GLI3: variants seen among roughly 807,000 people sequenced by gnomAD.
GLI3 encodes the protein transcription activator GLI3.
A neutral mutation model predicts 100.8 loss-of-function variants in GLI3; 20 were observed. That is an observed-to-expected ratio of 0.20 (90% confidence interval 0.14 to 0.29). The LOEUF (loss-of-function observed/expected upper bound fraction) is 0.29, where lower values mean the gene tolerates loss of function less well. Among genes scored for constraint, GLI3 ranks in the 10% least tolerant of loss-of-function variants. The pLI is 1.00. For synonymous variants in GLI3, 938 were observed against 860.5 expected, an observed-to-expected ratio of 1.09 and a Z score of -1.58; for missense variants, 2,040 against 2,128.5, an observed-to-expected ratio of 0.96 and a Z score of 0.82.
chr7:42,108,566 C>G (rs932953029), intron 3 of GLI3, among the ~76,000 whole-genome samples: 4 of 152,100 alleles, frequency 2.6e-5, no homozygotes, highest in African/African-American at 9.7e-5. Flanking sequence ...AGTAAACACC[C>G]AGCACAACTG....
At chr7:41,975,930 A>G (rs1787498112) in intron 12 of GLI3, among the ~76,000 whole-genome samples, 2 of 152,210 alleles carry the variant, frequency 1.3e-5, no homozygotes, top group African/African-American at 4.8e-5. Flanking sequence ...ACCCCTTAAA[A>G]TTTTAAATTG....
chr7:42,142,343 G>A (rs1401283952), intron 3 of GLI3, among the ~76,000 whole-genome samples: 1 of 152,138 alleles, frequency 6.6e-6, no homozygotes, highest in Admixed American at 6.5e-5. Context: ...AGTGCCAGGC[G>A]GCAGGGGAAG....
intron 3 of GLI3, among the ~76,000 whole-genome samples, chr7:42,137,946 C>T (rs1786468971): frequency 6.6e-6 from 1 of 152,294 alleles, no homozygotes; most frequent in Non-Finnish European, 1.5e-5. Context: ...TGCAAATATT[C>T]AGAATCTGAA....
chr7:41,960,988 A>AT lies in GLI3; in HGVS notation c.*3341dup, dbSNP rs138425063. ...ATTTTTTATTGACATTGTAAGAAACATTTTTTTTTCTTTGTTACAAAAGGA... is the reference window on the plus strand; with the variant it reads ...ATTTTTTATTGACATTGTAAGAAACATTTTTTTTTTCTTTGTTACAAAAGGA... On this transcript the variant is annotated 3_prime_UTR_variant, in exon 15 of 15. Transcript: ENST00000395925. The AT allele has an allele frequency of 0.12, 18,642 of 151,934 alleles. 1,527 individuals carry two copies. Among genetic ancestry groups the AT allele is most frequent in the South Asian group, 0.19 (906 of 4,786 alleles). 9.4% of individuals were successfully genotyped at this position (151,934 alleles called of 1,614,324 possible).
chr7:42,208,505 G>T (rs372363959), intron 2 of GLI3, among the ~76,000 whole-genome samples: 1 of 152,068 alleles, frequency 6.6e-6, no homozygotes, highest in Admixed American at 6.6e-5. Flanking sequence ...CCCAGCTCCC[G>T]CCTGTAAATG....
rs182401827 is a variant in GLI3 at position 42,169,763 on chromosome 7, G to T, written c.125-21295C>A. Among the ~76,000 whole-genome samples, 607 of 142,988 alleles carry T rather than the reference G, an allele frequency of 4.2e-3. 5 individuals carry two copies. The highest frequency in any genetic ancestry group is 0.015 in the African/African-American group (585 of 39,366). 93.8% of individuals were successfully genotyped at this position (142,988 alleles called of 152,430 possible). ...ACAAAGCACAAAAAAAAGAAGAGAA[G>T]CAAAGAGAAAAGAGAAAAGAACAGG... On this transcript the variant is annotated intron_variant, in intron 2 of 14. Coordinates refer to ENST00000395925, the MANE Select transcript of GLI3 (RefSeq NM_000168.6).
intron 3 of GLI3, among the ~76,000 whole-genome samples, chr7:42,127,902 C>T (rs551736501): frequency 6.6e-6 from 1 of 151,722 alleles, no homozygotes; most frequent in Non-Finnish European, 1.5e-5. Flanking sequence ...GTCCCAGCTA[C>T]TCAGGAGGCT....
rs575508825 is a variant in GLI3 at position 41,966,693 on chromosome 7, T to C, written c.2432-52A>G. On this transcript the variant is annotated intron_variant, in intron 14 of 14. Coordinates refer to ENST00000395925, the MANE Select transcript of GLI3 (RefSeq NM_000168.6). The surrounding 1 kb of genome is among the most constrained non-coding windows in gnomAD (Gnocchi z 5.8). ...TGCGGAGATGAATTCCCTTCGAGCA[T>C]GACTTACACCAGGCATGAGCAACCC... The C allele has an allele frequency of 1.3e-6, 2 of 1,591,176 alleles. No individual in the cohort carries two copies. Among genetic ancestry groups the C allele is most frequent in the African/African-American group, 1.3e-5 (1 of 74,640 alleles).
Position 41,961,022 on chromosome 7 carries a change from T to C in GLI3, c.*3308A>G, listed in dbSNP as rs1370009084. Reference sequence around the variant, plus strand: ...TCTTTGTTACAAAAGGACTAAGTGGTTCTGAAAGCAAAGGTAGAGTTCATC... The same window carrying C: ...TCTTTGTTACAAAAGGACTAAGTGGCTCTGAAAGCAAAGGTAGAGTTCATC... On this transcript the variant is annotated 3_prime_UTR_variant, in exon 15 of 15. Coordinates refer to ENST00000395925, the MANE Select transcript of GLI3 (RefSeq NM_000168.6). 2.0e-5 allele frequency: 3 copies of C among 152,586 alleles called. No individual in the cohort carries two copies. Among genetic ancestry groups the C allele is most frequent in the Non-Finnish European group, 4.4e-5 (3 of 68,038 alleles). The allele number at this position is 152,586 out of a possible 1,614,324, so 9.5% of individuals were successfully genotyped here.
In GLI3 at chr7:42,223,122, C is replaced by A; in HGVS notation, c.124+8G>T. 6.2e-7 allele frequency: 1 copy of A among 1,613,732 alleles called. No individual in the cohort carries two copies. Among genetic ancestry groups the A allele is most frequent in the East Asian group, 2.2e-5 (1 of 44,874 alleles). On this transcript the variant is annotated splice_region_variant and intron_variant, in intron 2 of 14. Coordinates refer to ENST00000395925, the MANE Select transcript of GLI3 (RefSeq NM_000168.6). Reference sequence around the variant, plus strand: ...GGCTGGGCTGCTGGTAATCCCTGTGCTGCTCACCATTAGAAGTGGTGCTGG... The same window carrying A: ...GGCTGGGCTGCTGGTAATCCCTGTGATGCTCACCATTAGAAGTGGTGCTGG...
intron 1 of GLI3, among the ~76,000 whole-genome samples, chr7:42,250,109 A>T (rs1478790739): frequency 3.3e-5 from 5 of 149,856 alleles, no homozygotes; most frequent in Non-Finnish European, 6.0e-5. Flanking sequence ...ACAAAAAAAA[A>T]GTTACTCTCT....
intron 2 of GLI3, among the ~76,000 whole-genome samples, chr7:42,196,781 T>C (rs548086759): frequency 3.0e-4 from 45 of 151,564 alleles, no homozygotes; most frequent in African/African-American, 1.1e-3. Context: ...ACCTTTCTAA[T>C]CAAGAGGGAA....
Position 41,961,140 on chromosome 7 carries a change from C to T in GLI3, c.*3190G>A, listed in dbSNP as rs1182422396. On this transcript the variant is annotated 3_prime_UTR_variant, in exon 15 of 15. Coordinates refer to ENST00000395925, the MANE Select transcript of GLI3 (RefSeq NM_000168.6). ...AACGCCTGGGCCAGTCACATCTGAACGCTATGCCTACAATACTTAAATGTA... is the reference window on the plus strand; with the variant it reads ...AACGCCTGGGCCAGTCACATCTGAATGCTATGCCTACAATACTTAAATGTA... 3.3e-5 allele frequency: 5 copies of T among 152,344 alleles called. No homozygotes were observed. The highest frequency in any genetic ancestry group is 4.8e-5 in the African/African-American group (2 of 41,328). The allele number at this position is 152,344 out of a possible 1,614,324, so 9.4% of individuals were successfully genotyped here.
chr7:42,017,619 A>G (rs942479645), intron 10 of GLI3, among the ~76,000 whole-genome samples: 1 of 152,200 alleles, frequency 6.6e-6, no homozygotes, highest in African/African-American at 2.4e-5. Flanking sequence ...GGACTATCCA[A>G]TTCAAACTTT....
At chr7:42,262,209 T>TTCCTTCCTTACTTACTTCC (rs1186292634) in intron 1 of GLI3, among the ~76,000 whole-genome samples, 4 of 110,842 alleles carry the variant, frequency 3.6e-5, no homozygotes, top group Non-Finnish European at 7.1e-5. Flanking sequence ...TCCTTCCTTC[T>TTCCTTCCTTACTTACTTCC]TTCCTTCCTT....
Position 41,968,780 on chromosome 7 carries a change from G to GAAAGAA in GLI3, c.2104-863_2104-858dup, listed in dbSNP as rs1554305491. 6.5e-3 allele frequency among the ~76,000 whole-genome samples: 908 copies of GAAAGAA among 139,792 alleles called. 36 individuals carry two copies. Among genetic ancestry groups the GAAAGAA allele is most frequent in the African/African-American group, 0.023 (869 of 38,598 alleles). The allele number at this position is 139,792 out of a possible 152,430, so 91.7% of individuals were successfully genotyped here. A position where few individuals can be genotyped will look rare whatever the true frequency, so the allele number is the denominator to read the frequency against. On this transcript the variant is annotated intron_variant, in intron 13 of 14. Transcript: ENST00000395925. ...AGAAAGAAGGAAAGAAAGAAAGAAA[G>GAAAGAA]AAAGAAAGAAAGAAAGAAAGAAAGG...
chr7:42,180,784 T>C (rs1787575701), intron 2 of GLI3, among the ~76,000 whole-genome samples: 1 of 152,218 alleles, frequency 6.6e-6, no homozygotes, highest in Non-Finnish European at 1.5e-5. Context: ...AAAAAAGTCT[T>C]TGACATCCAA....
chr7:42,145,716 T>G (rs936173401), intron 3 of GLI3: 27 of 396,532 alleles, frequency 6.8e-5, no homozygotes, highest in South Asian at 2.7e-4. Flanking sequence ...TTGATGATGA[T>G]GAGGAGGAGG....
intron 4 of GLI3, among the ~76,000 whole-genome samples, chr7:42,064,632 C>A (rs1423195922): frequency 6.6e-6 from 1 of 152,124 alleles, no homozygotes; most frequent in African/African-American, 2.4e-5. Context: ...AAGGGATGTG[C>A]TCAAAGGAAC....
Sources: allele counts gnomAD v4.1 joint callset (sites outside exome capture counted in the v4.1 genomes callset), GRCh38; gene constraint gnomAD v4.1.1; non-coding constraint Gnocchi (gnomAD v3.1); transcripts MANE v1.5; gene names NCBI Gene and HGNC (gene_info 2026-07-23, HGNC 2026-07-21).